The following RBPMS variants were observed in gnomAD, a reference collection of about 807,000 sequenced individuals.
The protein encoded by RBPMS is RNA-binding protein with multiple splicing.
RBPMS carries 7 observed loss-of-function variants against 26.8 expected under a neutral mutation model. That is an observed-to-expected ratio of 0.26 (90% CI 0.15 to 0.49). RBPMS has a LOEUF of 0.49. RBPMS is among the 20% of genes least tolerant of loss of function. The pLI, the probability that RBPMS is intolerant of heterozygous loss-of-function variation, is 0.98. For missense variants in RBPMS, 186 were observed against 250.0 expected (o/e 0.74, Z 1.73); for synonymous variants, 96 against 93.3 (o/e 1.03, Z -0.17).
At chr8:30,409,162 G>T (rs745736152) in intron 1 of RBPMS, among the ~76,000 whole-genome samples, 20 of 151,572 alleles carry the variant, frequency 1.3e-4, no homozygotes, top group Non-Finnish European at 2.6e-4. Context: ...TCCACCTCTG[G>T]GTCCCTCAAT....
At chr8:30,555,918 G>A (rs1826855451) in intron 6 of RBPMS, 1 of 985,306 alleles carries the variant, frequency 1.0e-6, no homozygotes, top group Admixed American at 6.1e-5. Flanking sequence ...CCCCCCACCG[G>A]GCCGGCTGCC....
Position 30,437,220 on chromosome 8 carries a change from C to T in RBPMS, c.67-37559C>T, listed in dbSNP as rs1413197308. Among the ~76,000 whole-genome samples, 5 of 151,586 alleles carry T rather than the reference C, an allele frequency of 3.3e-5. No homozygotes were observed. The South Asian group carries it at 6.3e-4, about 19-fold the overall frequency. ...ACAGGCGTGAGCCACCGCGCCCAGC[C>T]GATATATGTAGCATTTTGACCTAGA... On this transcript the variant is annotated intron_variant, in intron 1 of 8. Coordinates refer to ENST00000397323, the MANE Select transcript of RBPMS (RefSeq NM_001008710.3).
intron 7 of RBPMS, among the ~76,000 whole-genome samples, chr8:30,562,491 A>G (rs2151090057): frequency 6.6e-6 from 1 of 152,230 alleles, no homozygotes; most frequent in Middle Eastern, 3.4e-3. Context: ...GGGGGAGTCT[A>G]GTCTCCCAGC....
chr8:30,444,109 T>C (rs542067345), intron 1 of RBPMS, among the ~76,000 whole-genome samples: 7 of 150,512 alleles, frequency 4.7e-5, no homozygotes, highest in Non-Finnish European at 5.9e-5. Context: ...TTGGCCAAGC[T>C]GGTATTGAAC....
chr8:30,511,478 AAAAAAAAAATATATATATATAT>A (rs1210324219), intron 5 of RBPMS, among the ~76,000 whole-genome samples: 4 of 17,190 alleles, frequency 2.3e-4, no homozygotes, highest in Admixed American at 7.1e-4. Flanking sequence ...AAAGAAAAAA[AAAAAAAAAATATATATATATAT>A]ATATATATAT....
intron 4 of RBPMS, among the ~76,000 whole-genome samples, chr8:30,495,393 G>A (rs187720859): frequency 1.3e-5 from 2 of 151,780 alleles, no homozygotes; most frequent in East Asian, 3.9e-4. Context: ...GCGAGAAACT[G>A]TGCCCAGACT....
At chr8:30,515,656 C>CT (rs1486723681) in intron 5 of RBPMS, among the ~76,000 whole-genome samples, 1 of 151,984 alleles carries the variant, frequency 6.6e-6, no homozygotes, top group East Asian at 1.9e-4. Flanking sequence ...AATTAATAAA[C>CT]TTTTTTTCTT....
Position 30,427,480 on chromosome 8 carries a change from A to G in RBPMS, c.66+42322A>G, listed in dbSNP as rs1475683732. ...TGTTCTTTACCTGGAATGCCCTTCC[A>G]TTCTTCCTCCACTACAGGAATGCCT... On this transcript the variant is annotated intron_variant, in intron 1 of 8. Coordinates refer to ENST00000397323, the MANE Select transcript of RBPMS (RefSeq NM_001008710.3). Among the ~76,000 whole-genome samples, 4 of 152,092 alleles carry G rather than the reference A, an allele frequency of 2.6e-5. No homozygotes were observed. In the East Asian group the frequency reaches 5.8e-4, roughly 22 times the overall value.
chr8:30,414,503 G>C (rs919742817), intron 1 of RBPMS, among the ~76,000 whole-genome samples: 2 of 152,120 alleles, frequency 1.3e-5, no homozygotes, highest in Non-Finnish European at 2.9e-5. Flanking sequence ...TGCTCTGCTG[G>C]GATCCCAGAC....
intron 6 of RBPMS, among the ~76,000 whole-genome samples, chr8:30,557,079 C>T (rs1315761006): frequency 6.6e-6 from 1 of 152,200 alleles, no homozygotes; most frequent in Non-Finnish European, 1.5e-5. Context: ...AGGACAGCAA[C>T]TTTGCCTTTC....
chr8:30,515,038 G>A lies in RBPMS; in HGVS notation c.397+10602G>A, dbSNP rs571716603. 2.6e-5 allele frequency among the ~76,000 whole-genome samples: 4 copies of A among 151,840 alleles called. No individual in the cohort carries two copies. The East Asian group carries it at 7.8e-4, about 30-fold the overall frequency. ...ACCATGTCTCACTCTGTTGCCAGTG[G>A]TTCGATCATAGCCTCAAACTCCTCC... is the stretch of plus-strand genomic sequence containing the variant. On this transcript the variant is annotated intron_variant, in intron 5 of 8. Coordinates refer to ENST00000397323, the MANE Select transcript of RBPMS (RefSeq NM_001008710.3).
In RBPMS at chr8:30,571,347, T is replaced by C. The variant is rs1828243847; in HGVS notation, c.*822T>C. ...TGCCAAGTGTGACTTTGTACAGTTT[T>C]ATGTTTCCACTCTCCTGTATGTGTA... On this transcript the variant is annotated 3_prime_UTR_variant, in exon 9 of 9. Coordinates refer to ENST00000397323, the MANE Select transcript of RBPMS (RefSeq NM_001008710.3). 6.6e-6 allele frequency: 1 copy of C among 152,268 alleles called. No homozygotes were observed. The highest frequency in any genetic ancestry group is 2.4e-5 in the African/African-American group (1 of 41,466). 9.4% of individuals were successfully genotyped at this position (152,268 alleles called of 1,614,324 possible). A position where few individuals can be genotyped will look rare whatever the true frequency, so the allele number is the denominator to read the frequency against.
chr8:30,413,448 T>G (rs1809686627), intron 1 of RBPMS, among the ~76,000 whole-genome samples: 1 of 152,010 alleles, frequency 6.6e-6, no homozygotes, highest in Non-Finnish European at 1.5e-5. Context: ...TGAGGTCAAG[T>G]AAAATAACCC....
chr8:30,411,681 A>AAAAAAAAG lies in RBPMS; in HGVS notation c.66+26526_66+26527insAAAAGAAA, dbSNP rs1554507355. Among the ~76,000 whole-genome samples the AAAAAAAAG allele has an allele frequency of 1.5e-3, 191 of 127,768 alleles. 5 individuals carry two copies. Among genetic ancestry groups the AAAAAAAAG allele is most frequent in the Non-Finnish European group, 1.9e-3 (121 of 62,566 alleles). 83.8% of individuals were successfully genotyped at this position (127,768 alleles called of 152,430 possible). A position where few individuals can be genotyped will look rare whatever the true frequency, so the allele number is the denominator to read the frequency against. ...CTGTCTCAGAAAAAAAAAAAAAAAA[A>AAAAAAAAG]AAAGAAAAAGGAAATGTTTAGGCCG... On this transcript the variant is annotated intron_variant, in intron 1 of 8. Transcript: ENST00000397323.
At chr8:30,423,722 A>G (rs1175816671) in intron 1 of RBPMS, among the ~76,000 whole-genome samples, 1 of 152,094 alleles carries the variant, frequency 6.6e-6, no homozygotes, top group Admixed American at 6.5e-5. Flanking sequence ...AAGTAGTCAC[A>G]TGGGTCCCTT....
intron 1 of RBPMS, among the ~76,000 whole-genome samples, chr8:30,413,926 G>C (rs1809757438): frequency 6.6e-6 from 1 of 152,102 alleles, no homozygotes. Context: ...ATTTTTAGTA[G>C]AGACAGGGTT....
intron 5 of RBPMS, among the ~76,000 whole-genome samples, chr8:30,508,240 C>A (rs1821253932): frequency 6.6e-6 from 1 of 152,142 alleles, no homozygotes; most frequent in South Asian, 2.1e-4. Flanking sequence ...TCAGGAGAAA[C>A]CAACCCTACA....
In RBPMS at chr8:30,556,214, C is replaced by T. The variant is rs779687167; in HGVS notation, c.529-2673C>T. 9 of 985,298 alleles carry T rather than the reference C, an allele frequency of 9.1e-6. No homozygotes were observed. In the East Asian group the frequency reaches 1.0e-3, roughly 112 times the overall value. The allele number at this position is 985,298 out of a possible 1,614,324, so 61.0% of individuals were successfully genotyped here. ...CCACATCCACTCTGAGGAGCAGCCA[C>T]CTATTGCATCACTGGCGTCCTCACT... On this transcript the variant is annotated intron_variant, in intron 6 of 8. Transcript: ENST00000397323.
chr8:30,412,155 A>G (rs1809525669), intron 1 of RBPMS, among the ~76,000 whole-genome samples: 1 of 152,196 alleles, frequency 6.6e-6, no homozygotes, highest in Admixed American at 6.5e-5. Context: ...CCTTGCTATA[A>G]TTAGTTGTAA....
Sources: allele counts gnomAD v4.1 joint callset (sites outside exome capture counted in the v4.1 genomes callset), GRCh38; gene constraint gnomAD v4.1.1; transcripts MANE v1.5; gene names NCBI Gene and HGNC (gene_info 2026-07-23, HGNC 2026-07-21).